The following NAV2 variants were observed in gnomAD, a reference collection of about 807,000 sequenced individuals.
NAV2 encodes helicase, APC down-regulated 1.
NAV2 carries 54 observed loss-of-function variants against 223.2 expected under a neutral mutation model. The observed-to-expected ratio is 0.24, with a 90% CI of 0.19 to 0.30. NAV2 has a LOEUF of 0.30. Ranked by LOEUF, NAV2 falls within the 10% of genes least tolerant of loss-of-function variation. The pLI is 1.00. For missense variants in NAV2, 2,806 were observed against 3,147.5 expected (o/e 0.89, Z 2.60); for synonymous variants, 1,279 against 1,239.3 (o/e 1.03, Z -0.67).
At chr11:19,968,191 T>C (rs1362703207) in intron 10 of NAV2, among the ~76,000 whole-genome samples, 1 of 148,546 alleles carries the variant, frequency 6.7e-6, no homozygotes, top group Non-Finnish European at 1.5e-5. Flanking sequence ...TTGATGTAGT[T>C]TTGTTTGTTT....
chr11:19,546,529 G>A (rs1409116299), intron 1 of NAV2, among the ~76,000 whole-genome samples: 4 of 152,158 alleles, frequency 2.6e-5, no homozygotes, highest in Admixed American at 2.0e-4. Context: ...AGGGTGGGGC[G>A]GCTTCATGAA....
chr11:19,452,465 T>C (rs1209790352), intron 1 of NAV2, among the ~76,000 whole-genome samples: 1 of 152,182 alleles, frequency 6.6e-6, no homozygotes, highest in East Asian at 1.9e-4. Context: ...TCCTCTTCCA[T>C]AGCCCACTGT....
At chr11:19,780,111 T>C (rs553449378) in intron 1 of NAV2, among the ~76,000 whole-genome samples, 2 of 152,356 alleles carry the variant, frequency 1.3e-5, no homozygotes, top group African/African-American at 2.4e-5. Flanking sequence ...CCAGAGTAAT[T>C]AGAGGCAAAA....
At chr11:20,106,197 A>ATGTGTGTGTGTGTGTGTGTG (rs1565089504) in intron 35 of NAV2, among the ~76,000 whole-genome samples, 1 of 24,478 alleles carries the variant, frequency 4.1e-5, no homozygotes, top group Non-Finnish European at 1.4e-4. Context: ...ATATATATAT[A>ATGTGTGTGTGTGTGTGTGTG]TATATATATA....
At chr11:19,655,499 C>A (rs937522538) in intron 1 of NAV2, among the ~76,000 whole-genome samples, 1 of 152,044 alleles carries the variant, frequency 6.6e-6, no homozygotes, top group Non-Finnish European at 1.5e-5. Flanking sequence ...ACCCTAATGT[C>A]CAACAATGAT....
At chr11:19,448,380 C>A (rs1851666220) in intron 1 of NAV2, among the ~76,000 whole-genome samples, 1 of 152,208 alleles carries the variant, frequency 6.6e-6, no homozygotes, top group Admixed American at 6.5e-5. Context: ...GACCAGGTTT[C>A]AAACCTGAGT....
At chr11:19,863,115 C>T (rs1421291217) in intron 3 of NAV2, among the ~76,000 whole-genome samples, 1 of 152,142 alleles carries the variant, frequency 6.6e-6, no homozygotes, top group Admixed American at 6.5e-5. Context: ...TGAAACAGCC[C>T]ATCCTCCAGC....
At chr11:19,543,445 G>A (rs564859285) in intron 1 of NAV2, among the ~76,000 whole-genome samples, 7 of 152,152 alleles carry the variant, frequency 4.6e-5, no homozygotes, top group East Asian at 1.9e-4. Context: ...GTTTGTTTGC[G>A]TGGTCCTGTA....
intron 10 of NAV2, among the ~76,000 whole-genome samples, chr11:19,968,615 A>G (rs887696825): frequency 3.9e-5 from 6 of 152,170 alleles, no homozygotes; most frequent in Non-Finnish European, 8.8e-5. Context: ...CTTCAATCCC[A>G]TTTGAATTAT....
chr11:19,422,257 G>A (rs984242129), intron 1 of NAV2, among the ~76,000 whole-genome samples: 1 of 152,152 alleles, frequency 6.6e-6, no homozygotes, highest in African/African-American at 2.4e-5. Context: ...TGGAAATCAC[G>A]CCTTGGTACG....
At chr11:19,986,119 T>TA (rs1219777355) in intron 11 of NAV2, among the ~76,000 whole-genome samples, 1 of 152,250 alleles carries the variant, frequency 6.6e-6, no homozygotes, top group Non-Finnish European at 1.5e-5. Context: ...CAGTTTAATT[T>TA]AATGCTTCAT....
At chr11:19,543,376 G>A (rs1044964250) in intron 1 of NAV2, among the ~76,000 whole-genome samples, 1 of 152,182 alleles carries the variant, frequency 6.6e-6, no homozygotes, top group Non-Finnish European at 1.5e-5. Context: ...GATGCATGCT[G>A]TCAACCAACG....
intron 1 of NAV2, among the ~76,000 whole-genome samples, chr11:19,355,409 T>G (rs1329859814): frequency 6.6e-6 from 1 of 152,146 alleles, no homozygotes; most frequent in Non-Finnish European, 1.5e-5. Flanking sequence ...TTAGTGTAAT[T>G]AAAATTTCTA....
intron 1 of NAV2, among the ~76,000 whole-genome samples, chr11:19,523,931 G>A (rs564376340): frequency 2.9e-4 from 44 of 152,230 alleles, no homozygotes; most frequent in Admixed American, 3.9e-4. Flanking sequence ...TTCTTTCCCT[G>A]GGTAGCTTCT....
At chr11:19,788,212 TC>T (rs1478848695) in intron 1 of NAV2, among the ~76,000 whole-genome samples, 2 of 152,256 alleles carry the variant, frequency 1.3e-5, no homozygotes, top group Non-Finnish European at 2.9e-5. Context: ...TTTAGCAACG[TC>T]CCTGGCTTCT....
intron 6 of NAV2, among the ~76,000 whole-genome samples, chr11:19,900,638 TA>T (rs899220859): frequency 1.3e-5 from 2 of 152,136 alleles, no homozygotes; most frequent in South Asian, 4.1e-4. Context: ...CCCATAAGTA[TA>T]AATTCTAGGG....
rs774483029 is a variant in NAV2 at position 20,044,099 on chromosome 11, G to A, written c.3026G>A (p.Arg1009Lys). The part of the protein sequence containing the change: ...GIKMEPGSKW[R>K]RNPSDVSDES... ...AAAATGGAGCCAGGTTCCAAGTGGAGGCGGAATCCTTCTGATGTGTCTGAC... is the reference window on the plus strand; with the variant it reads ...AAAATGGAGCCAGGTTCCAAGTGGAAGCGGAATCCTTCTGATGTGTCTGAC... The change falls in exon 13 of 38, where the codon AGG (arginine) becomes AAG (lysine). Residue 1009 changes from arginine to lysine, a missense_variant. Physicochemically the swap from Arg to Lys is conservative, Grantham distance 26. This residue lies in a region of NAV2 where 742 missense variants were observed against 777.9 expected (regional missense o/e 0.95). Transcript: ENST00000349880. The A allele has an allele frequency of 3.4e-5, 55 of 1,614,104 alleles. No homozygotes were observed. The Admixed American group carries it at 9.2e-4, about 27-fold the overall frequency.
chr11:19,808,519 CTTTATTTTTTCTTT>C lies in NAV2; in HGVS notation c.268-23963_268-23950del, dbSNP rs547980576. ...TAAGTTTGGAGGAATTAATTTGTCA[CTTTATTTTTTCTTT>C]TATTTATTAAAAAAAGAAGAGATGT... is the stretch of plus-strand genomic sequence containing the variant. On this transcript the variant is annotated intron_variant, in intron 1 of 37. Coordinates refer to ENST00000349880, the MANE Select transcript of NAV2 (RefSeq NM_145117.5). Among the ~76,000 whole-genome samples the C allele has an allele frequency of 1.6e-4, 25 of 152,180 alleles. No individual in the cohort carries two copies. In the South Asian group the frequency reaches 3.7e-3, roughly 23 times the overall value.
intron 1 of NAV2, among the ~76,000 whole-genome samples, chr11:19,483,998 C>G (rs11025151): frequency 6.6e-6 from 1 of 151,912 alleles, no homozygotes; most frequent in East Asian, 1.9e-4. Flanking sequence ...GTGTCACAGA[C>G]CACTGGGAGG....
Sources: gnomAD v4.1 joint callset for allele counts (sites outside exome capture counted in the v4.1 genomes callset) on GRCh38, gnomAD v4.1.1 for gene constraint, gnomAD v4.1.1 regional missense constraint, MANE v1.5 for transcripts, NCBI Gene and HGNC (gene_info 2026-07-23, HGNC 2026-07-21) for gene names.